Variants in NCOA1 observed in about 807,000 individuals in gnomAD.
NCOA1 encodes Hin-2 protein.
In NCOA1, 35 loss-of-function variants were observed where a neutral mutation model predicts 150.9. The observed-to-expected ratio is 0.23, with a 90% CI of 0.18 to 0.31. NCOA1 has a LOEUF of 0.31. Ranked by LOEUF, NCOA1 falls within the 10% of genes least tolerant of loss-of-function variation. The pLI is 1.00. For missense variants in NCOA1, 1,491 were observed against 1,749.3 expected (o/e 0.85, Z 2.63); for synonymous variants, 590 against 630.0 (o/e 0.94, Z 0.95).
intron 1 of NCOA1, among the ~76,000 whole-genome samples, chr2:24,560,732 A>T (rs775940491): frequency 1.7e-4 from 26 of 152,272 alleles, no homozygotes; most frequent in East Asian, 9.7e-4. Context: ...CCTCAGTGAG[A>T]TTGGGCAGCT....
intron 4 of NCOA1, among the ~76,000 whole-genome samples, chr2:24,645,031 G>A (rs56410682): frequency 0.014 from 2,102 of 152,156 alleles, 49 homozygotes; most frequent in African/African-American, 0.048. Context: ...GAAGTTAAAG[G>A]CAGTAAAATT....
intron 1 of NCOA1, among the ~76,000 whole-genome samples, chr2:24,542,918 G>A (rs963775142): frequency 8.5e-5 from 13 of 152,068 alleles, no homozygotes; most frequent in African/African-American, 2.7e-4. Flanking sequence ...TTGTAAAATC[G>A]TCACTAAGTC....
chr2:24,764,569 AG>A (rs1664953693), intron 22 of NCOA1, among the ~76,000 whole-genome samples: 1 of 152,232 alleles, frequency 6.6e-6, no homozygotes, highest in African/African-American at 2.4e-5. Flanking sequence ...CCACAGAAAC[AG>A]GGAAATAGTA....
rs1466766065 is a variant in NCOA1 at position 24,706,746 on chromosome 2, C to T, written c.1276C>T (p.Leu426Phe). ...TRINRQQSSDLHSSSHSNSSN... is the reference protein window; with the variant it reads ...TRINRQQSSDFHSSSHSNSSN... Reference sequence around the variant, plus strand: ...AATAAACCGCCAGCAGAGCTCAGACCTTCATAGCAGCAGTCATAGTAATTC... The same window carrying T: ...AATAAACCGCCAGCAGAGCTCAGACTTTCATAGCAGCAGTCATAGTAATTC... The change falls in exon 13 of 23, where the codon CTT (leucine) becomes TTT (phenylalanine). Residue 426 changes from leucine to phenylalanine, a missense_variant. Physicochemically the swap from Leu to Phe is conservative, Grantham distance 22. Transcript: ENST00000348332. The T allele has an allele frequency of 6.2e-7, 1 of 1,614,214 alleles. No individual in the cohort carries two copies. The highest frequency in any genetic ancestry group is 1.7e-5 in the Admixed American group (1 of 60,022).
intron 14 of NCOA1, among the ~76,000 whole-genome samples, chr2:24,724,965 A>G (rs1369367856): frequency 6.6e-6 from 1 of 152,072 alleles, no homozygotes; most frequent in African/African-American, 2.4e-5. Flanking sequence ...TGATTTCTAT[A>G]TCATTTGTCA....
chr2:24,527,491 C>T (rs1558767288), intron 1 of NCOA1, among the ~76,000 whole-genome samples: 1 of 152,088 alleles, frequency 6.6e-6, no homozygotes, highest in Non-Finnish European at 1.5e-5. Flanking sequence ...GCAGGATCTC[C>T]TTTTTTAAGG....
intron 3 of NCOA1, among the ~76,000 whole-genome samples, chr2:24,594,697 A>G (rs1667817974): frequency 6.6e-6 from 1 of 152,110 alleles, no homozygotes; most frequent in African/African-American, 2.4e-5. Flanking sequence ...CTTCTCTATG[A>G]TAAGTCAGCC....
intron 6 of NCOA1, among the ~76,000 whole-genome samples, chr2:24,670,293 A>G (rs569448142): frequency 1.3e-5 from 2 of 152,344 alleles, no homozygotes; most frequent in East Asian, 1.9e-4. Context: ...AGAGCTAGCT[A>G]TCATATGACC....
intron 7 of NCOA1, among the ~76,000 whole-genome samples, chr2:24,680,195 G>C (rs1264879005): frequency 6.6e-6 from 1 of 152,076 alleles, no homozygotes; most frequent in African/African-American, 2.4e-5. Flanking sequence ...GGATCATATG[G>C]TAGTTCTATT....
Position 24,741,856 on chromosome 2 carries a change from C to A in NCOA1, c.3376C>A (p.Leu1126Ile). ...CAGTCAACAGCACCGACAGAGGCAG[C>A]TAATACAGCAGCAAAGAGCCATGCT... Reference protein sequence around the residue: ...LYSQQHRQRQLIQQQRAMLMR... With the variant: ...LYSQQHRQRQIIQQQRAMLMR... Residue 1126 changes from leucine (L) to isoleucine (I), a missense_variant, in exon 19 of 23, where the codon CTA (leucine) becomes ATA (isoleucine). By Grantham distance (5) the Leu-to-Ile change is conservative. Around this residue, in one of 8 missense-constraint regions of NCOA1, gnomAD observed 485 missense variants for 522.8 expected, o/e 0.93. Coordinates refer to ENST00000348332, the MANE Select transcript of NCOA1 (RefSeq NM_003743.5). The A allele has an allele frequency of 6.2e-7, 1 of 1,614,194 alleles. No individual in the cohort carries two copies. The highest frequency in any genetic ancestry group is 1.1e-5 in the South Asian group (1 of 91,086).
intron 12 of NCOA1, 39 bp downstream of exon 12, chr2:24,705,272 G>C: frequency 6.3e-7 from 1 of 1,592,258 alleles, no homozygotes; most frequent in Non-Finnish European, 8.6e-7. Flanking sequence ...AAATAAGCCA[G>C]TTCACATATC....
chr2:24,627,121 G>GTTTTTTTTTTTTTTTT (rs33949925), intron 3 of NCOA1, among the ~76,000 whole-genome samples: 1 of 115,162 alleles, frequency 8.7e-6, no homozygotes, highest in Non-Finnish European at 1.7e-5. Flanking sequence ...GTTTTTTGCT[G>GTTTTTTTTTTTTTTTT]TTTTTTTTTT....
chr2:24,674,563 A>G (rs1451225467), intron 7 of NCOA1, among the ~76,000 whole-genome samples: 1 of 152,122 alleles, frequency 6.6e-6, no homozygotes, highest in Admixed American at 6.5e-5. Flanking sequence ...TGAAGGTACT[A>G]GAAGAAATTT....
chr2:24,655,578 G>T (rs1448786911), intron 4 of NCOA1, among the ~76,000 whole-genome samples: 1 of 152,176 alleles, frequency 6.6e-6, no homozygotes, highest in African/African-American at 2.4e-5. Flanking sequence ...TGAGGATTTA[G>T]TGAAGGGTTT....
chr2:24,554,763 C>T (rs895370018), intron 1 of NCOA1, among the ~76,000 whole-genome samples: 2 of 152,050 alleles, frequency 1.3e-5, no homozygotes, highest in Admixed American at 1.3e-4. Flanking sequence ...GTCACACATC[C>T]GAGTCTTTAA....
intron 6 of NCOA1, among the ~76,000 whole-genome samples, chr2:24,667,243 C>G (rs980937015): frequency 6.6e-6 from 1 of 152,168 alleles, no homozygotes; most frequent in African/African-American, 2.4e-5. Flanking sequence ...TCTGCCCCTT[C>G]CCTGCTTGGT....
At chr2:24,558,015 T>G (rs1300479924) in intron 1 of NCOA1, among the ~76,000 whole-genome samples, 1 of 151,402 alleles carries the variant, frequency 6.6e-6, no homozygotes, top group Non-Finnish European at 1.5e-5. Context: ...AACCCTTGGG[T>G]TCATTTTGGG....
intron 21 of NCOA1, among the ~76,000 whole-genome samples, chr2:24,762,205 T>C (rs1664824799): frequency 6.6e-6 from 1 of 152,246 alleles, no homozygotes; most frequent in South Asian, 2.1e-4. Context: ...TCACTGTCCT[T>C]CGTTGCCTTT....
chr2:24,720,998 CAGTT>C (rs1316472042), intron 14 of NCOA1, among the ~76,000 whole-genome samples: 1 of 152,196 alleles, frequency 6.6e-6, no homozygotes, highest in South Asian at 2.1e-4. Flanking sequence ...CTGAGATACA[CAGTT>C]AGAAGTAATG....
Sources: allele counts gnomAD v4.1 joint callset (sites outside exome capture counted in the v4.1 genomes callset), GRCh38; gene constraint gnomAD v4.1.1; regional missense constraint gnomAD v4.1.1; transcripts MANE v1.5; gene names NCBI Gene and HGNC (gene_info 2026-07-23, HGNC 2026-07-21).